Variants in CLCN3 observed in about 807,000 individuals in gnomAD.
The protein encoded by CLCN3 is Cl-/H+ antiporter 3.
In CLCN3, 16 loss-of-function variants were observed where a neutral mutation model predicts 83.4. That is an observed-to-expected ratio of 0.19 (90% CI 0.13 to 0.29). The LOEUF (loss-of-function observed/expected upper bound fraction) is 0.29. Ranked by LOEUF, CLCN3 falls within the 10% of genes least tolerant of loss-of-function variation. CLCN3 has a pLI of 1.00. For synonymous variants in CLCN3, 322 were observed against 346.2 expected, an observed-to-expected ratio of 0.93 and a Z score of 0.78; for missense variants, 544 against 1,006.0, an observed-to-expected ratio of 0.54 and a Z score of 6.21.
chr4:169,686,272 T>C (rs1732154052), intron 3 of CLCN3, among the ~76,000 whole-genome samples: 1 of 151,102 alleles, frequency 6.6e-6, no homozygotes, highest in Admixed American at 6.6e-5. Context: ...TGTATACATA[T>C]GTAACAAACC....
Position 169,692,170 on chromosome 4 carries a change from A to G in CLCN3, c.786A>G (p.Leu262=), listed in dbSNP as rs2150250662. The G allele has an allele frequency of 6.2e-7, 1 of 1,612,548 alleles. No individual in the cohort carries two copies. Among genetic ancestry groups the G allele is most frequent in the Non-Finnish European group, 8.5e-7 (1 of 1,178,648 alleles). ...GAGGTTACTTGGGAAAATGGACTTTAATGATTAAAACCATCACATTAGTCC... is the reference window on the plus strand; with the variant it reads ...GAGGTTACTTGGGAAAATGGACTTTGATGATTAAAACCATCACATTAGTCC... ...IIRGYLGKWT[L]MIKTITLVLA... is the part of the protein sequence containing the mutation. The change falls in exon 7 of 13, where the codon TTA becomes TTG. Residue 262 remains leucine (L), a synonymous_variant. Transcript: ENST00000513761.
intron 12 of CLCN3, among the ~76,000 whole-genome samples, chr4:169,714,233 ACAG>A (rs1733338306): frequency 6.6e-6 from 1 of 152,140 alleles, no homozygotes; most frequent in African/African-American, 2.4e-5. Flanking sequence ...CTAATCCTGA[ACAG>A]CGTAAAGCTG....
intron 9 of CLCN3, among the ~76,000 whole-genome samples, chr4:169,701,634 A>G (rs1732789717): frequency 6.6e-6 from 1 of 152,216 alleles, no homozygotes; most frequent in Non-Finnish European, 1.5e-5. Flanking sequence ...CTCAGAGGAA[A>G]GAATTCTACG....
rs151209608 is a variant in CLCN3 at position 169,628,968 on chromosome 4, G to C, written c.-16-6945G>C. ...TATCATAGACTACTCTGATAAAAAGGAAGGAACTATTGACACATGTAACAC... is the reference window on the plus strand; with the variant it reads ...TATCATAGACTACTCTGATAAAAAGCAAGGAACTATTGACACATGTAACAC... On this transcript the variant is annotated intron_variant, in intron 1 of 12. Transcript: ENST00000513761. Among the ~76,000 whole-genome samples, 35 of 152,308 alleles carry C rather than the reference G, an allele frequency of 2.3e-4. No individual in the cohort carries two copies. The East Asian group carries it at 6.7e-3, about 29-fold the overall frequency.
intron 2 of CLCN3, among the ~76,000 whole-genome samples, chr4:169,645,410 C>T (rs1730547430): frequency 6.6e-6 from 1 of 152,096 alleles, no homozygotes. Context: ...TGTGCTTTTT[C>T]TTCATGATGG....
intron 2 of CLCN3, among the ~76,000 whole-genome samples, chr4:169,673,710 A>C (rs184909745): frequency 3.9e-5 from 6 of 152,298 alleles, no homozygotes; most frequent in Admixed American, 2.0e-4. Context: ...AGACTTACAG[A>C]AGTTTAAAAA....
At chr4:169,677,960 G>A (rs1047450577) in intron 2 of CLCN3, among the ~76,000 whole-genome samples, 1 of 152,118 alleles carries the variant, frequency 6.6e-6, no homozygotes, top group Non-Finnish European at 1.5e-5. Flanking sequence ...ACTCATATAA[G>A]ATATATGGTG....
chr4:169,709,031 A>G (rs989234707), intron 11 of CLCN3, among the ~76,000 whole-genome samples: 27 of 148,396 alleles, frequency 1.8e-4, no homozygotes, highest in Non-Finnish European at 3.0e-4. Context: ...ATAAAAAAAC[A>G]TATCTATATA....
At chr4:169,648,271 A>G (rs1362899498) in intron 2 of CLCN3, among the ~76,000 whole-genome samples, 1 of 152,220 alleles carries the variant, frequency 6.6e-6, no homozygotes, top group African/African-American at 2.4e-5. Context: ...TGGAAATGTA[A>G]CGTGTTAACA....
intron 2 of CLCN3, chr4:169,643,233 T>C (rs562729472): frequency 6.6e-6 from 1 of 152,110 alleles, no homozygotes; most frequent in Non-Finnish European, 1.5e-5. Context: ...CAAAATAAAA[T>C]ATATATATAT....
intron 2 of CLCN3, among the ~76,000 whole-genome samples, chr4:169,649,168 T>C (rs1730662779): frequency 6.6e-6 from 1 of 152,082 alleles, no homozygotes; most frequent in Non-Finnish European, 1.5e-5. Context: ...TGCTAGGAGC[T>C]TGTACAGGTG....
intron 2 of CLCN3, among the ~76,000 whole-genome samples, chr4:169,657,118 A>G (rs1730910552): frequency 6.6e-6 from 1 of 152,106 alleles, no homozygotes; most frequent in Non-Finnish European, 1.5e-5. Flanking sequence ...AATCTGAAAC[A>G]TTGTGTCATT....
chr4:169,683,839 G>A (rs1275449214), intron 3 of CLCN3, among the ~76,000 whole-genome samples: 1 of 151,682 alleles, frequency 6.6e-6, no homozygotes, highest in African/African-American at 2.4e-5. Context: ...TGCCTTCCAG[G>A]CTCAAGCAGC....
chr4:169,628,160 A>G (rs2150197143), intron 1 of CLCN3, among the ~76,000 whole-genome samples: 1 of 152,356 alleles, frequency 6.6e-6, no homozygotes. Context: ...GCATGCACAA[A>G]TTAAAATGGA....
At chr4:169,678,698 T>G (rs938980181) in intron 2 of CLCN3, among the ~76,000 whole-genome samples, 8 of 152,150 alleles carry the variant, frequency 5.3e-5, no homozygotes, top group South Asian at 2.1e-4. Context: ...AACCCTGAGT[T>G]GACATAGCAC....
At position 169,707,148 on chromosome 4, in the gene CLCN3, G is replaced by A; in HGVS notation, c.2031G>A (p.Val677=). The change falls in exon 11 of 13, where the codon GTG becomes GTA. Residue 677 remains valine (V), a synonymous_variant. Coordinates refer to ENST00000513761, the MANE Select transcript of CLCN3 (RefSeq NM_001829.4). ...LAVLTQDNMT[V]DDIENMINET... ...TCCTGACACAGGACAATATGACAGT[G>A]GATGATATAGAAAACATGATTAATG... 1 of 1,613,970 alleles carries A rather than the reference G, an allele frequency of 6.2e-7. No individual in the cohort carries two copies. Among genetic ancestry groups the A allele is most frequent in the Non-Finnish European group, 8.5e-7 (1 of 1,179,908 alleles).
chr4:169,638,920 G>A (rs1432757500), intron 2 of CLCN3, among the ~76,000 whole-genome samples: 5 of 152,184 alleles, frequency 3.3e-5, no homozygotes, highest in African/African-American at 7.2e-5. Flanking sequence ...GATTGGTTAG[G>A]ACAATTATGA....
intron 1 of CLCN3, among the ~76,000 whole-genome samples, chr4:169,632,073 CG>C (rs1318673628): frequency 6.6e-6 from 1 of 152,100 alleles, no homozygotes; most frequent in Non-Finnish European, 1.5e-5. Context: ...AGCTTCACCC[CG>C]ATACCAAAAC....
intron 1 of CLCN3, among the ~76,000 whole-genome samples, chr4:169,628,611 C>T (rs980550339): frequency 2.0e-5 from 3 of 152,182 alleles, no homozygotes; most frequent in Non-Finnish European, 4.4e-5. Flanking sequence ...TACCGTACAT[C>T]TATCAGAATA....
Sources: gnomAD v4.1 joint callset for allele counts (sites outside exome capture counted in the v4.1 genomes callset) on GRCh38, gnomAD v4.1.1 for gene constraint, MANE v1.5 for transcripts, NCBI Gene and HGNC (gene_info 2026-07-23, HGNC 2026-07-21) for gene names.